The following COBL variants were observed in gnomAD, a reference collection of about 807,000 sequenced individuals.
COBL encodes the protein protein cordon-bleu.
A neutral mutation model predicts 98.8 loss-of-function variants in COBL; 51 were observed. The observed-to-expected ratio is 0.52, with a 90% confidence interval of 0.41 to 0.65. The LOEUF is 0.65. COBL is among the 30% of genes least tolerant of loss of function. The pLI, the probability that COBL is intolerant of heterozygous loss-of-function variation, is 0.00. For synonymous variants in COBL, 634 were observed against 651.7 expected (o/e 0.97, Z 0.41); for missense variants, 1,617 against 1,617.5 (o/e 1.00, Z 0.01).
chr7:51,175,396 AC>A (rs1159700485), intron 5 of COBL, among the ~76,000 whole-genome samples: 3 of 151,876 alleles, frequency 2.0e-5, no homozygotes, highest in Non-Finnish European at 4.4e-5. Context: ...CGCTCCTTAA[AC>A]CCCCAGAAAA....
At chr7:51,138,506 T>C (rs1799444106) in intron 5 of COBL, among the ~76,000 whole-genome samples, 1 of 152,194 alleles carries the variant, frequency 6.6e-6, no homozygotes, top group South Asian at 2.1e-4. Context: ...GGCTGGTTTG[T>C]ACAAACACCC....
chr7:51,227,351 G>T (rs185749806), intron 1 of COBL, among the ~76,000 whole-genome samples: 30 of 152,202 alleles, frequency 2.0e-4, no homozygotes, highest in African/African-American at 7.0e-4. Context: ...TGGAGTCACA[G>T]GGAGATGGAA....
At chr7:51,255,493 G>A (rs959775732) in intron 1 of COBL, among the ~76,000 whole-genome samples, 6 of 152,194 alleles carry the variant, frequency 3.9e-5, no homozygotes, top group African/African-American at 1.2e-4. Context: ...TTCCCGCATC[G>A]TGTTCATCCC....
At chr7:51,050,750 C>A (rs754091241) in intron 7 of COBL, among the ~76,000 whole-genome samples, 7 of 152,206 alleles carry the variant, frequency 4.6e-5, no homozygotes, top group Non-Finnish European at 7.3e-5. Context: ...CAGCTCCTGG[C>A]CCCAACCATG....
rs377354658 is a variant in COBL at position 51,166,692 on chromosome 7, C to T, written c.783+17410G>A. On this transcript the variant is annotated intron_variant, in intron 5 of 12. Transcript: ENST00000265136. ...CCAATATCTCTGATGAATATAAATG[C>T]AAAAATCCTCAACAAAATACTAGCA... 1.1e-4 allele frequency among the ~76,000 whole-genome samples: 17 copies of T among 152,094 alleles called. 1 individual carries two copies. In the East Asian group the frequency reaches 1.9e-3, roughly 17 times the overall value.
intron 6 of COBL, among the ~76,000 whole-genome samples, chr7:51,120,969 C>T (rs779563154): frequency 9.2e-5 from 14 of 152,122 alleles, no homozygotes; most frequent in Non-Finnish European, 1.8e-4. Flanking sequence ...AATCATGCTG[C>T]GATGAACATG....
chr7:51,292,148 A>G lies in COBL; in HGVS notation c.41+24445T>C, dbSNP rs185164389. ...GGCAACAGAATGAGACTTTGACTCA[A>G]AAAAAAAAAAAAAAAGTGGGAGAAT... On this transcript the variant is annotated intron_variant, in intron 1 of 12. Coordinates refer to ENST00000265136, the MANE Select transcript of COBL (RefSeq NM_015198.5). 8.0e-3 allele frequency among the ~76,000 whole-genome samples: 1,155 copies of G among 143,530 alleles called. 54 individuals are homozygous for G. The South Asian group carries it at 0.13, about 17-fold the overall frequency. The allele number at this position is 143,530 out of a possible 152,430, so 94.2% of individuals were successfully genotyped here.
intron 5 of COBL, among the ~76,000 whole-genome samples, chr7:51,181,434 C>T (rs1788941475): frequency 6.6e-6 from 1 of 152,156 alleles, no homozygotes; most frequent in African/African-American, 2.4e-5. Flanking sequence ...ACACTGGATG[C>T]CATAACTCAT....
chr7:51,113,700 A>G (rs1797032916), intron 6 of COBL, among the ~76,000 whole-genome samples: 1 of 152,218 alleles, frequency 6.6e-6, no homozygotes, highest in Non-Finnish European at 1.5e-5. Flanking sequence ...TTTCAATATT[A>G]TTTGGAATAA....
In COBL at chr7:51,298,211, C is replaced by T. The variant is rs570980866; in HGVS notation, c.41+18382G>A. Among the ~76,000 whole-genome samples, 32 of 152,350 alleles carry T rather than the reference C, an allele frequency of 2.1e-4. No homozygotes were observed. The South Asian group carries it at 6.2e-3, about 30-fold the overall frequency. ...GCATCCTGACAAAAGTTGGCAAAAA[C>T]TGAGCCACTGTCCAGCCACTGCATA... is the stretch of plus-strand genomic sequence containing the variant. On this transcript the variant is annotated intron_variant, in intron 1 of 12. Coordinates refer to ENST00000265136, the MANE Select transcript of COBL (RefSeq NM_015198.5).
chr7:51,239,149 C>T lies in COBL; in HGVS notation c.42-19205G>A, dbSNP rs541587374. ...TAGAAATACTGTCAGAGGCATCTGA[C>T]CCAGAGCGATTCCATCTCGAATAGG... On this transcript the variant is annotated intron_variant, in intron 1 of 12. Transcript: ENST00000265136. Among the ~76,000 whole-genome samples, 7 of 152,190 alleles carry T rather than the reference C, an allele frequency of 4.6e-5. No homozygotes were observed. The South Asian group carries it at 1.2e-3, about 27-fold the overall frequency.
intron 2 of COBL, among the ~76,000 whole-genome samples, chr7:51,206,861 G>C (rs746818957): frequency 6.6e-6 from 1 of 152,220 alleles, no homozygotes; most frequent in African/African-American, 2.4e-5. Context: ...GGTTGCAGGG[G>C]CTGGGCAATA....
At chr7:51,246,689 A>G (rs1053642477) in intron 1 of COBL, among the ~76,000 whole-genome samples, 3 of 152,212 alleles carry the variant, frequency 2.0e-5, no homozygotes, top group Non-Finnish European at 4.4e-5. Context: ...TTTATGAAGA[A>G]AGAGTTATTG....
chr7:51,116,035 C>T (rs1296431511), intron 6 of COBL, among the ~76,000 whole-genome samples: 1 of 152,070 alleles, frequency 6.6e-6, no homozygotes, highest in African/African-American at 2.4e-5. Flanking sequence ...CCAGTTTTCT[C>T]ATGCTTACTG....
intron 1 of COBL, among the ~76,000 whole-genome samples, chr7:51,221,209 G>C (rs972379673): frequency 2.0e-5 from 3 of 152,164 alleles, no homozygotes; most frequent in Admixed American, 1.3e-4. Flanking sequence ...ACCCTAGTTA[G>C]AGGGTCCACA....
rs950714636 is a variant in COBL at position 51,016,884 on chromosome 7, C to T, written c.*667G>A. 3.3e-5 allele frequency: 13 copies of T among 399,470 alleles called. No individual in the cohort carries two copies. The highest frequency in any genetic ancestry group is 1.0e-4 in the African/African-American group (5 of 48,632). The allele number at this position is 399,470 out of a possible 1,614,324, so 24.7% of individuals were successfully genotyped here. Reference sequence around the variant, plus strand: ...CGGGCATGCCCTGGCCACATGATCACGTAGGACTGTTTTCTGGGTGGTAAT... The same window carrying T: ...CGGGCATGCCCTGGCCACATGATCATGTAGGACTGTTTTCTGGGTGGTAAT... On this transcript the variant is annotated 3_prime_UTR_variant, in exon 13 of 13. Transcript: ENST00000265136.
At chr7:51,171,690 ATTC>A (rs1265802582) in intron 5 of COBL, among the ~76,000 whole-genome samples, 7 of 152,130 alleles carry the variant, frequency 4.6e-5, no homozygotes, top group African/African-American at 1.2e-4. Context: ...CCAGAAAAAT[ATTC>A]TTCTACTTAC....
intron 2 of COBL, among the ~76,000 whole-genome samples, chr7:51,217,500 C>G (rs1793183458): frequency 6.6e-6 from 1 of 151,922 alleles, no homozygotes; most frequent in South Asian, 2.1e-4. Context: ...CGCCACCACG[C>G]CTGGCTAATT....
intron 2 of COBL, among the ~76,000 whole-genome samples, chr7:51,210,984 T>C (rs945790930): frequency 9.9e-5 from 15 of 152,284 alleles, no homozygotes; most frequent in Non-Finnish European, 1.6e-4. Context: ...CTACTCTCTG[T>C]GGGTTTTCCT....
Sources: gnomAD v4.1 joint callset for allele counts (sites outside exome capture counted in the v4.1 genomes callset) on GRCh38, gnomAD v4.1.1 for gene constraint, MANE v1.5 for transcripts, NCBI Gene and HGNC (gene_info 2026-07-23, HGNC 2026-07-21) for gene names.